Variants in TECRL observed in about 807,000 individuals in gnomAD.
TECRL encodes trans-2,3-enoyl-CoA reductase-like.
A neutral mutation model predicts 52.8 loss-of-function variants in TECRL; 63 were observed. The ratio of observed to expected loss-of-function variants is 1.19; its 90% CI spans 0.97 to 1.47. The LOEUF is 1.47. TECRL is among the 40% of genes most tolerant of loss of function. The pLI is 0.00. For synonymous variants in TECRL, 164 were observed against 141.9 expected, an observed-to-expected ratio of 1.16 and a Z score of -1.10; for missense variants, 482 against 429.6, an observed-to-expected ratio of 1.12 and a Z score of -1.08.
Position 64,384,560 on chromosome 4 carries a change from T to C in TECRL, c.235-9337A>G, listed in dbSNP as rs537920423. Among the ~76,000 whole-genome samples the C allele has an allele frequency of 1.1e-4, 17 of 152,246 alleles. No homozygotes were observed. In the East Asian group the frequency reaches 3.3e-3, roughly 29 times the overall value. ...CAGTCATCAGTAGGCTAAGGTCCCA[T>C]TCTCAGGCCCCCTAGAATGCATTTA... On this transcript the variant is annotated intron_variant, in intron 1 of 11. Coordinates refer to ENST00000381210, the MANE Select transcript of TECRL (RefSeq NM_001010874.5).
intron 2 of TECRL, among the ~76,000 whole-genome samples, chr4:64,351,059 C>T (rs1299638790): frequency 6.9e-6 from 1 of 144,740 alleles, no homozygotes; most frequent in African/African-American, 2.5e-5. Flanking sequence ...ATGACTTTCA[C>T]AGTTCTCACT....
intron 1 of TECRL, among the ~76,000 whole-genome samples, chr4:64,397,945 T>TA (rs1724073494): frequency 6.6e-6 from 1 of 151,814 alleles, no homozygotes; most frequent in Admixed American, 6.6e-5. Context: ...AAGTGTGTCC[T>TA]AAAAAATGTG....
rs985007578 is a variant in TECRL at position 64,278,097 on chromosome 4, CAT to C, written c.*1973_*1974del. 1 of 141,032 alleles carries C rather than the reference CAT, an allele frequency of 7.1e-6. No individual in the cohort carries two copies. The highest frequency in any genetic ancestry group is 1.6e-5 in the Non-Finnish European group (1 of 62,236). 8.7% of individuals were successfully genotyped at this position (141,032 alleles called of 1,614,324 possible). On this transcript the variant is annotated 3_prime_UTR_variant, in exon 12 of 12. Coordinates refer to ENST00000381210, the MANE Select transcript of TECRL (RefSeq NM_001010874.5). ...ATATACACATATACACACGTACACACATATTTTGAAATATATTTCAGAAGATG... is the reference window on the plus strand; with the variant it reads ...ATATACACATATACACACGTACACACATTTTGAAATATATTTCAGAAGATG...
At chr4:64,369,172 C>G (rs908841061) in intron 2 of TECRL, among the ~76,000 whole-genome samples, 2 of 152,148 alleles carry the variant, frequency 1.3e-5, no homozygotes, top group Non-Finnish European at 2.9e-5. Flanking sequence ...GTTTATGACA[C>G]AGAGTCAGTG....
At chr4:64,367,130 A>G (rs1266526520) in intron 2 of TECRL, among the ~76,000 whole-genome samples, 1 of 152,154 alleles carries the variant, frequency 6.6e-6, no homozygotes, top group Non-Finnish European at 1.5e-5. Flanking sequence ...AAATTAACAT[A>G]GGAACAGAAA....
In TECRL at chr4:64,278,228, TATG is replaced by T. The variant is rs1312846896; in HGVS notation, c.*1841_*1843del. ...AAAATATTTTAATTGTAAATTTCAG[TATG>T]ATAACATACAATGTCTGTATTATTA... On this transcript the variant is annotated 3_prime_UTR_variant, in exon 12 of 12. Transcript: ENST00000381210. The T allele has an allele frequency of 6.6e-6, 1 of 151,784 alleles. No homozygotes were observed. Among genetic ancestry groups the T allele is most frequent in the African/African-American group, 2.4e-5 (1 of 41,382 alleles). The allele number at this position is 151,784 out of a possible 1,614,324, so 9.4% of individuals were successfully genotyped here.
chr4:64,394,756 A>C (rs1723801103), intron 1 of TECRL, among the ~76,000 whole-genome samples: 1 of 152,154 alleles, frequency 6.6e-6, no homozygotes, highest in Non-Finnish European at 1.5e-5. Context: ...ACTGTGCAGC[A>C]GGTACTACTT....
chr4:64,395,398 C>T (rs1185221215), intron 1 of TECRL, among the ~76,000 whole-genome samples: 1 of 150,870 alleles, frequency 6.6e-6, no homozygotes, highest in Non-Finnish European at 1.5e-5. Flanking sequence ...GTCACTAGAT[C>T]ATTAGATAAG....
rs574096916 is a variant in TECRL, at chr4:64,326,028, T to C, written c.331+2484A>G. On this transcript the variant is annotated intron_variant, in intron 3 of 11. Transcript: ENST00000381210. ...CTAACTAGATCCCATGACATATCTT[T>C]CTAGATCATGCTTCAGCCACTTAAG... Among the ~76,000 whole-genome samples, 3 of 152,200 alleles carry C rather than the reference T, an allele frequency of 2.0e-5. No individual in the cohort carries two copies. In the South Asian group the frequency reaches 6.2e-4, roughly 32 times the overall value.
chr4:64,318,275 C>T (rs1037813723), intron 4 of TECRL, among the ~76,000 whole-genome samples: 3 of 151,930 alleles, frequency 2.0e-5, no homozygotes, highest in African/African-American at 7.2e-5. Flanking sequence ...CAGACACAAA[C>T]TTTAACAAAA....
intron 1 of TECRL, among the ~76,000 whole-genome samples, chr4:64,386,684 A>G (rs1723197635): frequency 6.6e-6 from 1 of 152,174 alleles, no homozygotes; most frequent in South Asian, 2.1e-4. Context: ...TTAATTAAGA[A>G]TTACTATTTC....
chr4:64,292,203 A>T (rs563024357), intron 8 of TECRL, among the ~76,000 whole-genome samples: 2 of 152,108 alleles, frequency 1.3e-5, no homozygotes, highest in South Asian at 4.1e-4. Context: ...ACACCGGAAT[A>T]TTTCTCAGCA....
At chr4:64,295,143 T>A (rs1723607023) in intron 8 of TECRL, among the ~76,000 whole-genome samples, 1 of 151,634 alleles carries the variant, frequency 6.6e-6, no homozygotes, top group African/African-American at 2.4e-5. Context: ...GTATTGTGCT[T>A]TAAAAGAAAT....
chr4:64,287,636 G>A lies in TECRL; in HGVS notation c.832+2074C>T, dbSNP rs184250888. On this transcript the variant is annotated intron_variant, in intron 9 of 11. Transcript: ENST00000381210. The stretch of plus-strand genomic sequence containing the variant: ...TTTTTCAAATATACAGGTGAGTATA[G>A]AAGTAACTGAGTTTTTGCATTGTTG... Among the ~76,000 whole-genome samples, 3 of 152,206 alleles carry A rather than the reference G, an allele frequency of 2.0e-5. No homozygotes were observed. In the East Asian group the frequency reaches 5.8e-4, roughly 29 times the overall value.
intron 2 of TECRL, among the ~76,000 whole-genome samples, chr4:64,368,240 A>C (rs904897780): frequency 6.6e-6 from 1 of 152,088 alleles, no homozygotes; most frequent in Non-Finnish European, 1.5e-5. Context: ...CTATTTCTCC[A>C]TCTAAAATGT....
chr4:64,382,207 A>C, intron 1 of TECRL, among the ~76,000 whole-genome samples: 1 of 2,632 alleles, frequency 3.8e-4, no homozygotes, highest in African/African-American at 5.1e-4. Flanking sequence ...ATATATATAT[A>C]TATATATATA....
intron 1 of TECRL, among the ~76,000 whole-genome samples, chr4:64,380,960 T>C (rs1722750362): frequency 6.6e-6 from 1 of 152,134 alleles, no homozygotes; most frequent in South Asian, 2.1e-4. Context: ...AGGGAATGTA[T>C]TGAATTTGTA....
At chr4:64,322,643 G>C (rs762514444) in intron 4 of TECRL, 46 bp downstream of exon 4, 3 of 1,341,044 alleles carry the variant, frequency 2.2e-6, no homozygotes, top group Non-Finnish European at 3.1e-6. Context: ...AAATTATTTA[G>C]AGCAAAATAT....
chr4:64,350,253 A>G (rs1313042531), intron 2 of TECRL, among the ~76,000 whole-genome samples: 2 of 152,364 alleles, frequency 1.3e-5, no homozygotes, highest in East Asian at 3.9e-4. Flanking sequence ...TTGCCAAAAT[A>G]GTAGCATTTT....
Sources: allele counts gnomAD v4.1 joint callset (sites outside exome capture counted in the v4.1 genomes callset), GRCh38; gene constraint gnomAD v4.1.1; transcripts MANE v1.5; gene names NCBI Gene and HGNC (gene_info 2026-07-23, HGNC 2026-07-21).